The following CAPN7 variants were observed in gnomAD, a reference collection of about 807,000 sequenced individuals.
CAPN7 encodes the protein calpain-7.
A neutral mutation model predicts 115.2 loss-of-function variants in CAPN7; 72 were observed. That is an observed-to-expected ratio of 0.63 (90% CI 0.52 to 0.76). CAPN7 has a LOEUF of 0.76. CAPN7 is among the 30% of genes least tolerant of loss of function. The probability of loss-of-function intolerance (pLI) is 0.00; values close to 1 mark genes in which losing one functional copy is unlikely to be tolerated. For missense variants in CAPN7, 905 were observed against 971.5 expected, an observed-to-expected ratio of 0.93 and a Z score of 0.91; for synonymous variants, 344 against 322.3, an observed-to-expected ratio of 1.07 and a Z score of -0.72.
rs1487977602 is a variant in CAPN7, at chr3:15,251,524, T to C, written c.*264T>C. ...TTTAGGGGCCATTTTGTATAAAAAG[T>C]GCATATGATTAAAATTAGACTCAGT... On this transcript the variant is annotated 3_prime_UTR_variant, in exon 21 of 21. Coordinates refer to ENST00000253693, the MANE Select transcript of CAPN7 (RefSeq NM_014296.3). 2.9e-5 allele frequency: 8 copies of C among 271,252 alleles called. No individual in the cohort carries two copies. Among genetic ancestry groups the C allele is most frequent in the Non-Finnish European group, 5.5e-5 (8 of 145,658 alleles). 16.8% of individuals were successfully genotyped at this position (271,252 alleles called of 1,614,324 possible).
intron 4 of CAPN7, among the ~76,000 whole-genome samples, chr3:15,219,284 G>GT (rs2124907122): frequency 6.6e-6 from 1 of 152,270 alleles, no homozygotes; most frequent in African/African-American, 2.4e-5. Context: ...TTGAAAGAGT[G>GT]TTGTAGACAC....
At position 15,228,977 on chromosome 3, in the gene CAPN7, A is replaced by G. The variant is rs201034955; in HGVS notation, c.856A>G (p.Ile286Val). The G allele has an allele frequency of 4.6e-5, 74 of 1,606,272 alleles. No individual in the cohort carries two copies. Among genetic ancestry groups the G allele is most frequent in the Middle Eastern group, 1.7e-4 (1 of 6,048 alleles). ...TGTTAATTATTCTTATTAACAGACA[A>G]TAGTATCGGATTGCTCCTTTGTGGC... Reference protein sequence around the residue: ...TVSSFSIKQTIVSDCSFVASL... With the variant: ...TVSSFSIKQTVVSDCSFVASL... The change falls in exon 8 of 21, where the codon ATA becomes GTA. Residue 286 changes from isoleucine to valine, a missense_variant. Physicochemically the swap from Ile to Val is conservative, Grantham distance 29 (BLOSUM62 3). Transcript: ENST00000253693.
rs534095997 is a variant in CAPN7 at position 15,252,300 on chromosome 3, C to T, written c.*1040C>T. ...AATTGAAATAAAATGTTTATACTTACGGATATTGCATAGTTTAAGTTAGAT... is the reference window on the plus strand; with the variant it reads ...AATTGAAATAAAATGTTTATACTTATGGATATTGCATAGTTTAAGTTAGAT... On this transcript the variant is annotated 3_prime_UTR_variant, in exon 21 of 21. Transcript: ENST00000253693. 11 of 152,622 alleles carry T rather than the reference C, an allele frequency of 7.2e-5. No individual in the cohort carries two copies. Among genetic ancestry groups the T allele is most frequent in the East Asian group, 1.9e-4 (1 of 5,188 alleles). 9.5% of individuals were successfully genotyped at this position (152,622 alleles called of 1,614,324 possible).
chr3:15,215,548 G>T (rs1021146315), intron 2 of CAPN7, among the ~76,000 whole-genome samples: 10 of 152,108 alleles, frequency 6.6e-5, no homozygotes, highest in African/African-American at 2.2e-4. Flanking sequence ...CTATGGATTT[G>T]CCTATTGTGG....
intron 1 of CAPN7, among the ~76,000 whole-genome samples, chr3:15,208,704 G>A (rs1487180929): frequency 6.6e-6 from 1 of 152,058 alleles, no homozygotes; most frequent in Non-Finnish European, 1.5e-5. Flanking sequence ...CTTATGACTA[G>A]TGCAAATTTT....
intron 6 of CAPN7, among the ~76,000 whole-genome samples, chr3:15,224,169 C>CTAT (rs1233491047): frequency 6.6e-6 from 1 of 151,674 alleles, no homozygotes; most frequent in African/African-American, 2.4e-5. Flanking sequence ...TACATCTATA[C>CTAT]AGTCAAATAT....
Position 15,240,825 on chromosome 3 carries a change from C to A in CAPN7, c.1624C>A (p.Leu542Ile), listed in dbSNP as rs761658012. The A allele has an allele frequency of 6.2e-7, 1 of 1,611,552 alleles. No homozygotes were observed. Reference protein sequence around the residue: ...DVIYLSWNPGLFKESTCIHST... With the variant: ...DVIYLSWNPGIFKESTCIHST... ...GATTTATTTGAGTTGGAATCCAGGT[C>A]TTTTTAAAGAATCAACATGTATTCA... Residue 542 changes from leucine (L) to isoleucine (I), a missense_variant, in exon 14 of 21, where the codon CTT becomes ATT. By Grantham distance (5) the Leu-to-Ile change is conservative. Around this residue, in one of 3 missense-constraint regions of CAPN7, gnomAD observed 620 missense variants for 703.4 expected, o/e 0.88. Coordinates refer to ENST00000253693, the MANE Select transcript of CAPN7 (RefSeq NM_014296.3).
intron 1 of CAPN7, chr3:15,210,948 T>C: frequency 1.7e-6 from 2 of 1,160,296 alleles, no homozygotes; most frequent in African/African-American, 1.6e-5. Context: ...GAAATCTGTC[T>C]TTGCTTTTCT....
Position 15,241,603 on chromosome 3 carries a change from C to A in CAPN7, c.1788+15C>A, listed in dbSNP as rs1411136625. 6.2e-7 allele frequency: 1 copy of A among 1,606,546 alleles called. No individual in the cohort carries two copies. Among genetic ancestry groups the A allele is most frequent in the East Asian group, 2.2e-5 (1 of 44,798 alleles). On this transcript the variant is annotated intron_variant, in intron 15 of 20. Transcript: ENST00000253693. The stretch of plus-strand genomic sequence containing the variant: ...TAACAGACAAGGTACTGATACCCTT[C>A]TAATGATATCCCATACAGAAATTTT...
chr3:15,226,908 AC>A (rs1464418217), intron 6 of CAPN7, among the ~76,000 whole-genome samples: 6 of 152,094 alleles, frequency 3.9e-5, no homozygotes, highest in Admixed American at 6.6e-5. Context: ...ACTTTCTATT[AC>A]TAGGAAATCT....
intron 6 of CAPN7, among the ~76,000 whole-genome samples, chr3:15,223,873 A>G (rs984246019): frequency 6.6e-6 from 1 of 152,214 alleles, no homozygotes; most frequent in Non-Finnish European, 1.5e-5. Context: ...AACACACAGT[A>G]AAGAAACTGA....
At chr3:15,223,697 A>G (rs1694135027) in intron 6 of CAPN7, 136 bp downstream of exon 6, 5 of 606,880 alleles carry the variant, frequency 8.2e-6, no homozygotes, top group Non-Finnish European at 1.5e-5. Flanking sequence ...TGGGAAAGGG[A>G]TAGGGCAACA....
intron 4 of CAPN7, among the ~76,000 whole-genome samples, chr3:15,219,040 C>T (rs1434497054): frequency 6.6e-6 from 1 of 152,144 alleles, no homozygotes; most frequent in Non-Finnish European, 1.5e-5. Flanking sequence ...TGGTATTTTT[C>T]CCACAGCTCT....
chr3:15,229,896 T>C (rs879237018), intron 8 of CAPN7, among the ~76,000 whole-genome samples: 1 of 152,190 alleles, frequency 6.6e-6, no homozygotes, highest in Admixed American at 6.6e-5. Flanking sequence ...TTTCAACTTT[T>C]CCTGAGCGGT....
Position 15,251,295 on chromosome 3 carries a change from C to T in CAPN7, c.*35C>T, listed in dbSNP as rs200845708. The stretch of plus-strand genomic sequence containing the variant: ...CTCAAGTTACTGGCTTTTATACTTA[C>T]CAAACATCAGTTCTTCAAATAAGGA... On this transcript the variant is annotated 3_prime_UTR_variant, in exon 21 of 21. Transcript: ENST00000253693. 2.1e-3 allele frequency: 3,182 copies of T among 1,526,598 alleles called. 5 individuals carry two copies. Among genetic ancestry groups the T allele is most frequent in the Non-Finnish European group, 2.5e-3 (2,793 of 1,132,870 alleles). The allele number at this position is 1,526,598 out of a possible 1,614,324, so 94.6% of individuals were successfully genotyped here.
rs1049320676 is a variant in CAPN7 at position 15,230,389 on chromosome 3, G to A, written c.939-53G>A. 2.6e-6 allele frequency: 3 copies of A among 1,173,782 alleles called. No homozygotes were observed. The African/African-American group carries it at 4.5e-5, about 18-fold the overall frequency. 72.7% of individuals were successfully genotyped at this position (1,173,782 alleles called of 1,614,324 possible). ...CCTGAATGAAATGTGCTGTATAGTA[G>A]TTGATATTGAATACTAATGTTGGTA... On this transcript the variant is annotated intron_variant, in intron 8 of 20. Coordinates refer to ENST00000253693, the MANE Select transcript of CAPN7 (RefSeq NM_014296.3).
intron 5 of CAPN7, among the ~76,000 whole-genome samples, chr3:15,223,040 CTA>C (rs1182937821): frequency 6.6e-6 from 1 of 152,206 alleles, no homozygotes; most frequent in Non-Finnish European, 1.5e-5. Flanking sequence ...TAGCTGATAT[CTA>C]TGACACTTCC....
Position 15,235,030 on chromosome 3 carries a change from A to G in CAPN7, c.1292A>G (p.His431Arg). 6.2e-7 allele frequency: 1 copy of G among 1,604,340 alleles called. No individual in the cohort carries two copies. Among genetic ancestry groups the G allele is most frequent in the Admixed American group, 1.8e-5 (1 of 56,996 alleles). ...NSFRMLYQRFHKGDVLITAST... is the reference protein window; with the variant it reads ...NSFRMLYQRFRKGDVLITAST... The stretch of plus-strand genomic sequence containing the variant: ...GTCTTTGGGGTTCATTCCAGATTTC[A>G]CAAAGGAGATGTCCTCATCACTGCG... Residue 431 changes from histidine to arginine, a missense_variant, in exon 12 of 21, where the codon CAC becomes CGC. Physicochemically the swap from His to Arg is conservative, Grantham distance 29. Coordinates refer to ENST00000253693, the MANE Select transcript of CAPN7 (RefSeq NM_014296.3).
intron 8 of CAPN7, among the ~76,000 whole-genome samples, chr3:15,229,325 A>T (rs1230826277): frequency 6.6e-5 from 10 of 152,166 alleles, no homozygotes; most frequent in Admixed American, 6.5e-4. Flanking sequence ...TATTGATAAT[A>T]CTTTATGATT....
Sources: gnomAD v4.1 joint callset for allele counts (sites outside exome capture counted in the v4.1 genomes callset) on GRCh38, gnomAD v4.1.1 for gene constraint, gnomAD v4.1.1 regional missense constraint, MANE v1.5 for transcripts, NCBI Gene and HGNC (gene_info 2026-07-23, HGNC 2026-07-21) for gene names.